ZFP1: variants seen among roughly 807,000 people sequenced by gnomAD.
The protein encoded by ZFP1 is zinc finger protein 1 homolog.
In ZFP1, 32 loss-of-function variants were observed where a neutral mutation model predicts 38.5. That is an observed-to-expected ratio of 0.83 (90% CI 0.63 to 1.12). The LOEUF is 1.12. ZFP1 is among the 50% of genes most tolerant of loss of function. ZFP1 has a pLI of 0.00. For synonymous variants in ZFP1, 245 were observed against 168.8 expected, an observed-to-expected ratio of 1.45 and a Z score of -3.50; for missense variants, 616 against 480.8, an observed-to-expected ratio of 1.28 and a Z score of -2.63.
At chr16:75,157,542 C>A (rs79945442) in intron 2 of ZFP1, among the ~76,000 whole-genome samples, 2,971 of 152,070 alleles carry the variant, frequency 0.02, 40 homozygotes, top group Middle Eastern at 0.034. Context: ...CTGCACCTGG[C>A]CTTCATTCTG....
At chr16:75,161,437 C>G (rs2037771272) in intron 2 of ZFP1, among the ~76,000 whole-genome samples, 1 of 151,666 alleles carries the variant, frequency 6.6e-6, no homozygotes, top group Admixed American at 6.6e-5. Flanking sequence ...AAATGTGTGG[C>G]TCTCCTCATA....
Position 75,169,445 on chromosome 16 carries a change from C to G in ZFP1, c.335C>G (p.Thr112Ser). Residue 112 changes from threonine to serine, a missense_variant, in exon 4 of 4, where the codon ACT (threonine) becomes AGT (serine). Thr to Ser is a moderately conservative substitution (Grantham distance 58). Coordinates refer to ENST00000570010, the MANE Select transcript of ZFP1 (RefSeq NM_153688.4). ...VPYKYDLYEK[T>S]LKYNSDLLNS... is the part of the protein sequence containing the mutation. ...TATAAATATGACTTATATGAAAAAA[C>G]TTTGAAATATAATTCAGACTTGCTT... 6.2e-7 allele frequency: 1 copy of G among 1,612,746 alleles called. No individual in the cohort carries two copies. The highest frequency in any genetic ancestry group is 8.5e-7 in the Non-Finnish European group (1 of 1,179,690).
chr16:75,148,033 T>C (rs921347726), upstream of ZFP1, among the ~76,000 whole-genome samples: 5 of 152,092 alleles, frequency 3.3e-5, no homozygotes, highest in African/African-American at 1.2e-4. Flanking sequence ...TCAACAAATA[T>C]ATATACCTCA....
chr16:75,123,455 G>GTA, the ZFP1 span, among the ~76,000 whole-genome samples: 211 of 87,150 alleles, frequency 2.4e-3, no homozygotes, highest in South Asian at 7.3e-3. Flanking sequence ...GTGTGTATAT[G>GTA]TATATATATA....
the ZFP1 span, chr16:75,119,454 G>C: frequency 1.3e-5 from 2 of 151,784 alleles, no homozygotes; most frequent in Non-Finnish European, 2.9e-5. Context: ...AATTTTTCCT[G>C]CTTCCATGTT....
the ZFP1 span, among the ~76,000 whole-genome samples, chr16:75,130,117 C>T: frequency 2.0e-5 from 3 of 152,040 alleles, no homozygotes; most frequent in Non-Finnish European, 4.4e-5. Context: ...CTGCCTCAGC[C>T]TCTCCAGTAG....
At chr16:75,129,017 C>T in the ZFP1 span, among the ~76,000 whole-genome samples, 6 of 152,106 alleles carry the variant, frequency 3.9e-5, no homozygotes, top group Middle Eastern at 3.4e-3. Flanking sequence ...CTCAAACTCC[C>T]GACCTCAGGT....
Position 75,152,947 on chromosome 16 carries a change from A to G in ZFP1, c.-5A>G, listed in dbSNP as rs2037281273. 6 of 1,613,892 alleles carry G rather than the reference A, an allele frequency of 3.7e-6. No homozygotes were observed. The highest frequency in any genetic ancestry group is 5.1e-6 in the Non-Finnish European group (6 of 1,179,904). On this transcript the variant is annotated 5_prime_UTR_variant, in exon 2 of 4. Coordinates refer to ENST00000570010, the MANE Select transcript of ZFP1 (RefSeq NM_153688.4). ...GTTCTCTGCCTTTGCCCAAAACTGC[A>G]GAAAATGAACAAATCCCAGGTGAGT...
chr16:75,166,628 G>A, intron 2 of ZFP1, 142 bp from the exon 3 acceptor site: 7 of 1,480,974 alleles, frequency 4.7e-6, no homozygotes, highest in Non-Finnish European at 6.2e-6. Context: ...ATATATTTTG[G>A]AAGACATGAA....
chr16:75,166,479 C>A (rs1276799475), intron 2 of ZFP1: 8 of 931,410 alleles, frequency 8.6e-6, no homozygotes, highest in Non-Finnish European at 1.0e-5. Context: ...CCCCGCCCAC[C>A]TAGCCTCCCA....
rs2036999669 is a variant in ZFP1, at chr16:75,148,573, G to A, written c.-114G>A. ...AGTGGGTGACAGAGCCCCCGTCTCCGCGCGTCTTCGCCGCCCTGCGCCGTG... is the reference window on the plus strand; with the variant it reads ...AGTGGGTGACAGAGCCCCCGTCTCCACGCGTCTTCGCCGCCCTGCGCCGTG... On this transcript the variant is annotated 5_prime_UTR_variant, in exon 1 of 4. Coordinates refer to ENST00000570010, the MANE Select transcript of ZFP1 (RefSeq NM_153688.4). The A allele has an allele frequency of 6.6e-6, 1 of 152,316 alleles. No homozygotes were observed. The highest frequency in any genetic ancestry group is 2.1e-4 in the South Asian group (1 of 4,838). The allele number at this position is 152,316 out of a possible 1,614,324, so 9.4% of individuals were successfully genotyped here.
the ZFP1 span, among the ~76,000 whole-genome samples, chr16:75,130,236 A>G: frequency 6.6e-6 from 1 of 152,064 alleles, no homozygotes; most frequent in East Asian, 1.9e-4. Context: ...CCTGACTTCC[A>G]GTGATCCGCC....
chr16:75,153,868 T>C (rs773158866), intron 2 of ZFP1, among the ~76,000 whole-genome samples: 2 of 152,174 alleles, frequency 1.3e-5, no homozygotes, highest in Non-Finnish European at 2.9e-5. Flanking sequence ...TCTCCCTAAG[T>C]CCCTAACACC....
chr16:75,138,618 G>A, the ZFP1 span, among the ~76,000 whole-genome samples: 1 of 152,220 alleles, frequency 6.6e-6, no homozygotes, highest in South Asian at 2.1e-4. Flanking sequence ...CACTGGAGTA[G>A]AGTGGGCCCT....
the ZFP1 span, among the ~76,000 whole-genome samples, chr16:75,143,309 T>C: frequency 1.3e-5 from 2 of 151,936 alleles, no homozygotes; most frequent in Non-Finnish European, 2.9e-5. Flanking sequence ...TGGTGTGATC[T>C]GGGCTCACTG....
the ZFP1 span, among the ~76,000 whole-genome samples, chr16:75,125,064 G>A: frequency 2.0e-5 from 3 of 151,820 alleles, no homozygotes; most frequent in African/African-American, 7.3e-5. Flanking sequence ...TTTGAGACCA[G>A]CCTGGCCAAC....
chr16:75,132,097 A>G, the ZFP1 span, among the ~76,000 whole-genome samples: 1 of 152,106 alleles, frequency 6.6e-6, no homozygotes, highest in Non-Finnish European at 1.5e-5. Context: ...TTGTTAAAGA[A>G]ACTGGGTAAG....
the ZFP1 span, among the ~76,000 whole-genome samples, chr16:75,123,871 C>T: frequency 3.9e-5 from 6 of 151,902 alleles, no homozygotes; most frequent in South Asian, 4.2e-4. Flanking sequence ...GAGGATGCAT[C>T]ACAAGGTCAG....
chr16:75,121,226 G>A, the ZFP1 span, among the ~76,000 whole-genome samples: 3 of 150,858 alleles, frequency 2.0e-5, no homozygotes, highest in Non-Finnish European at 4.4e-5. Flanking sequence ...ACAGTGGGGT[G>A]ATCTCTGTAC....
Sources: gnomAD v4.1 joint callset for allele counts (sites outside exome capture counted in the v4.1 genomes callset) on GRCh38, gnomAD v4.1.1 for gene constraint, MANE v1.5 for transcripts, NCBI Gene and HGNC (gene_info 2026-07-23, HGNC 2026-07-21) for gene names.